Variants in ATRNL1 observed in about 807,000 individuals in gnomAD.
ATRNL1 encodes attractin-like protein 1.
ATRNL1 carries 95 observed loss-of-function variants against 182.7 expected under a neutral mutation model. The observed-to-expected ratio is 0.52, with a 90% CI of 0.44 to 0.62. ATRNL1 has a LOEUF of 0.62. Ranked by LOEUF, ATRNL1 falls within the 20% of genes least tolerant of loss-of-function variation. The probability of loss-of-function intolerance (pLI) is 0.00; values close to 1 mark genes in which losing one functional copy is unlikely to be tolerated. For synonymous variants in ATRNL1, 576 were observed against 568.3 expected (o/e 1.01, Z -0.19); for missense variants, 1,471 against 1,679.5 (o/e 0.88, Z 2.17).
chr10:115,527,470 T>C (rs1256579582), intron 25 of ATRNL1, among the ~76,000 whole-genome samples: 3 of 151,010 alleles, frequency 2.0e-5, no homozygotes, highest in African/African-American at 4.9e-5. Flanking sequence ...TGTTGTGTGA[T>C]GGTTGATAGA....
chr10:115,590,885 C>G (rs117526493), intron 26 of ATRNL1, among the ~76,000 whole-genome samples: 9 of 152,290 alleles, frequency 5.9e-5, no homozygotes, highest in Admixed American at 1.3e-4. Context: ...GTGTGAGTGG[C>G]AAATCTTTGC....
chr10:115,136,482 CTG>C (rs147020696), intron 5 of ATRNL1, among the ~76,000 whole-genome samples: 1,700 of 152,316 alleles, frequency 0.011, 28 homozygotes, highest in African/African-American at 0.038. Context: ...TTAGCATTCA[CTG>C]TCAGTGTTGG....
intron 5 of ATRNL1, among the ~76,000 whole-genome samples, chr10:115,151,907 G>A (rs1487191131): frequency 6.6e-6 from 1 of 152,134 alleles, no homozygotes; most frequent in East Asian, 1.9e-4. Context: ...GTAAGGAAGG[G>A]ATCCAGTTTC....
At chr10:115,505,167 C>A (rs1554980990) in intron 24 of ATRNL1, among the ~76,000 whole-genome samples, 1 of 151,936 alleles carries the variant, frequency 6.6e-6, no homozygotes, top group Non-Finnish European at 1.5e-5. Context: ...ATAAGGAGAC[C>A]AATTTTATTT....
intron 26 of ATRNL1, among the ~76,000 whole-genome samples, chr10:115,692,381 A>G (rs1240231426): frequency 1.3e-5 from 2 of 152,166 alleles, no homozygotes; most frequent in Non-Finnish European, 2.9e-5. Flanking sequence ...TTTGAAGAAT[A>G]AATTGACATA....
intron 26 of ATRNL1, among the ~76,000 whole-genome samples, chr10:115,669,892 A>G (rs994316897): frequency 6.6e-6 from 1 of 152,094 alleles, no homozygotes; most frequent in Non-Finnish European, 1.5e-5. Context: ...TGAGAACAAG[A>G]AAAGGTGTTA....
chr10:115,913,074 C>A (rs1555116324), intron 28 of ATRNL1, among the ~76,000 whole-genome samples: 1 of 152,200 alleles, frequency 6.6e-6, no homozygotes, highest in Admixed American at 6.5e-5. Flanking sequence ...GCATAGAATG[C>A]AGGCACTGGA....
intron 26 of ATRNL1, among the ~76,000 whole-genome samples, chr10:115,684,251 TAAC>T (rs1555045646): frequency 2.0e-5 from 3 of 151,316 alleles, no homozygotes; most frequent in Non-Finnish European, 4.4e-5. Context: ...TTTATGTTCT[TAAC>T]AAGATATTTC....
intron 5 of ATRNL1, among the ~76,000 whole-genome samples, chr10:115,146,802 C>CT (rs35914807): frequency 0.42 from 61,532 of 145,604 alleles, 13,297 homozygotes; most frequent in African/African-American, 0.49. Context: ...TGATTTCATT[C>CT]TTTTTTTTTT....
At chr10:115,396,625 T>A (rs1554955682) in intron 20 of ATRNL1, among the ~76,000 whole-genome samples, 1 of 151,978 alleles carries the variant, frequency 6.6e-6, no homozygotes, top group East Asian at 1.9e-4. Context: ...ATGAAAATAT[T>A]TTCTGTAGAC....
At chr10:115,340,553 G>A (rs537369501) in intron 19 of ATRNL1, among the ~76,000 whole-genome samples, 3 of 142,536 alleles carry the variant, frequency 2.1e-5, no homozygotes, top group African/African-American at 7.9e-5. Context: ...GAATGAGTTT[G>A]GAAGTATTTC....
At chr10:115,527,164 G>C (rs552939234) in intron 25 of ATRNL1, among the ~76,000 whole-genome samples, 1 of 149,428 alleles carries the variant, frequency 6.7e-6, no homozygotes, top group Non-Finnish European at 1.5e-5. Context: ...CTGCCTCCCA[G>C]GCTGGAGTGT....
rs370307220 is a variant in ATRNL1 at position 115,284,682 on chromosome 10, A to G, written c.2234-1534A>G. ...ACATTATTTGCTTTTAAAATTTTCCATTTGTTATGGGTTTACCATGGAGTT... is the reference window on the plus strand; with the variant it reads ...ACATTATTTGCTTTTAAAATTTTCCGTTTGTTATGGGTTTACCATGGAGTT... On this transcript the variant is annotated intron_variant, in intron 14 of 28. Transcript: ENST00000355044. Among the ~76,000 whole-genome samples the G allele has an allele frequency of 9.9e-5, 15 of 152,204 alleles. No individual in the cohort carries two copies. In the East Asian group the frequency reaches 1.7e-3, roughly 18 times the overall value.
chr10:115,744,137 A>G (rs1451726865), intron 27 of ATRNL1, among the ~76,000 whole-genome samples: 1 of 152,148 alleles, frequency 6.6e-6, no homozygotes, highest in Non-Finnish European at 1.5e-5. Context: ...TGAAAGATAC[A>G]TCATAACATC....
intron 1 of ATRNL1, among the ~76,000 whole-genome samples, chr10:115,107,024 A>G (rs1235889067): frequency 6.6e-6 from 1 of 152,204 alleles, no homozygotes; most frequent in African/African-American, 2.4e-5. Context: ...TCATCCTTTT[A>G]TAAGGAACCC....
At chr10:115,566,913 C>T (rs1156936456) in intron 26 of ATRNL1, among the ~76,000 whole-genome samples, 2 of 152,046 alleles carry the variant, frequency 1.3e-5, no homozygotes, top group African/African-American at 4.8e-5. Flanking sequence ...CAATGAGTAT[C>T]AACACATTTA....
chr10:115,805,954 G>A (rs1949911114), intron 27 of ATRNL1, among the ~76,000 whole-genome samples: 1 of 151,944 alleles, frequency 6.6e-6, no homozygotes, highest in South Asian at 2.1e-4. Flanking sequence ...AAAGCCATCA[G>A]AAACATTTAA....
intron 28 of ATRNL1, among the ~76,000 whole-genome samples, chr10:115,853,503 G>A (rs985051103): frequency 6.6e-6 from 1 of 152,046 alleles, no homozygotes; most frequent in Non-Finnish European, 1.5e-5. Flanking sequence ...GTTTTTTAAA[G>A]CAAATTTCCA....
intron 24 of ATRNL1, among the ~76,000 whole-genome samples, chr10:115,476,606 C>T (rs561514406): frequency 6.4e-4 from 96 of 150,692 alleles, no homozygotes; most frequent in African/African-American, 2.3e-3. Flanking sequence ...CTTTACTGAC[C>T]CTTTTATTTT....
Sources: allele counts gnomAD v4.1 joint callset (sites outside exome capture counted in the v4.1 genomes callset), GRCh38; gene constraint gnomAD v4.1.1; transcripts MANE v1.5; gene names NCBI Gene and HGNC (gene_info 2026-07-23, HGNC 2026-07-21).